The following CEP63 variants were observed in gnomAD, a reference collection of about 807,000 sequenced individuals.
CEP63 encodes centrosomal protein 63, also known as centrosomal protein of 63 kDa.
CEP63 carries 84 observed loss-of-function variants against 89.1 expected under a neutral mutation model. That is an observed-to-expected ratio of 0.94 (90% CI 0.79 to 1.13). The LOEUF (loss-of-function observed/expected upper bound fraction) is 1.13, where lower values mean the gene tolerates loss of function less well. CEP63 is among the 50% of genes most tolerant of loss of function. CEP63 has a pLI of 0.00. For synonymous variants in CEP63, 267 were observed against 272.5 expected, an observed-to-expected ratio of 0.98 and a Z score of 0.20; for missense variants, 838 against 813.3, an observed-to-expected ratio of 1.03 and a Z score of -0.37.
the CEP63 span, among the ~76,000 whole-genome samples, chr3:134,739,513 G>A: frequency 6.6e-6 from 1 of 152,082 alleles, no homozygotes; most frequent in Non-Finnish European, 1.5e-5. Flanking sequence ...CAATCTGTGT[G>A]TCCATCAACA....
the CEP63 span, among the ~76,000 whole-genome samples, chr3:134,687,857 G>A: frequency 1.3e-5 from 2 of 152,176 alleles, no homozygotes; most frequent in Non-Finnish European, 1.5e-5. Flanking sequence ...GTGTTGCTTG[G>A]CTCAGGATTC....
chr3:134,584,755 A>G (rs1268629007), intron 10 of CEP63, among the ~76,000 whole-genome samples: 1 of 152,202 alleles, frequency 6.6e-6, no homozygotes, highest in East Asian at 1.9e-4. Context: ...AAGAAATGGT[A>G]CCAGCTCCTC....
chr3:134,710,498 T>A, the CEP63 span, among the ~76,000 whole-genome samples: 1 of 152,154 alleles, frequency 6.6e-6, no homozygotes, highest in Non-Finnish European at 1.5e-5. Flanking sequence ...CAAAAACATG[T>A]TTTTACAGAA....
chr3:134,514,152 G>T (rs1049651204), intron 3 of CEP63, among the ~76,000 whole-genome samples: 2 of 151,944 alleles, frequency 1.3e-5, no homozygotes, highest in African/African-American at 4.8e-5. Flanking sequence ...TTTCGAAAAA[G>T]AATTAAAAAC....
chr3:134,547,253 G>T, intron 8 of CEP63, 82 bp from the exon 9 acceptor site: 1 of 1,346,312 alleles, frequency 7.4e-7, no homozygotes. Flanking sequence ...TACCAAAAAT[G>T]ATGGGGAAAC....
At chr3:134,599,155 G>A in the CEP63 span, among the ~76,000 whole-genome samples, 65 of 152,190 alleles carry the variant, frequency 4.3e-4, no homozygotes, top group Non-Finnish European at 7.3e-4. Flanking sequence ...CAAACTCTCC[G>A]GACTGGAAGG....
At chr3:134,577,431 C>CTTTTTTTTTTTTT (rs10662705), downstream of CEP63, among the ~76,000 whole-genome samples, 3 of 86,326 alleles carry the variant, frequency 3.5e-5, no homozygotes, top group East Asian at 3.9e-4. Context: ...TTCTAATCCA[C>CTTTTTTTTTTTTT]TTTTTTTTTT....
the CEP63 span, among the ~76,000 whole-genome samples, chr3:134,660,512 A>G: frequency 6.6e-6 from 1 of 152,224 alleles, no homozygotes; most frequent in African/African-American, 2.4e-5. Context: ...ACCAAGGTCT[A>G]TCATTATTTG....
At chr3:134,740,833 A>G in the CEP63 span, among the ~76,000 whole-genome samples, 4 of 152,244 alleles carry the variant, frequency 2.6e-5, no homozygotes, top group African/African-American at 9.6e-5. Flanking sequence ...GAAGAGGTTC[A>G]AATGAGTACA....
the CEP63 span, among the ~76,000 whole-genome samples, chr3:134,756,012 G>T: frequency 6.6e-6 from 1 of 152,226 alleles, no homozygotes; most frequent in African/African-American, 2.4e-5. Context: ...CTGCCAGGAA[G>T]CTGGAGCCAG....
the CEP63 span, among the ~76,000 whole-genome samples, chr3:134,740,270 A>T: frequency 2.7e-5 from 1 of 37,464 alleles, no homozygotes; most frequent in Non-Finnish European, 9.1e-5. Flanking sequence ...CTTTTCTTTT[A>T]TTTATTTATT....
chr3:134,497,116 G>T (rs1426022389), intron 2 of CEP63, among the ~76,000 whole-genome samples: 1 of 152,060 alleles, frequency 6.6e-6, no homozygotes, highest in Non-Finnish European at 1.5e-5. Context: ...TTTTAATAGG[G>T]TTTTTTGTTT....
chr3:134,610,155 C>G, the CEP63 span: 1 of 1,581,840 alleles, frequency 6.3e-7, no homozygotes, highest in Admixed American at 1.7e-5. Context: ...CCTCCACTTC[C>G]ACCTGCCAGA....
chr3:134,576,402 T>G (rs1408033211), downstream of CEP63, among the ~76,000 whole-genome samples: 1 of 152,224 alleles, frequency 6.6e-6, no homozygotes, highest in Non-Finnish European at 1.5e-5. Flanking sequence ...AAGACACAGA[T>G]GCCAGCTCCC....
chr3:134,760,475 C>T, the CEP63 span, among the ~76,000 whole-genome samples: 1 of 152,204 alleles, frequency 6.6e-6, no homozygotes, highest in Non-Finnish European at 1.5e-5. Flanking sequence ...GAAAAGTCAG[C>T]ACTATCATCC....
chr3:134,643,229 C>A, the CEP63 span: 1 of 1,307,384 alleles, frequency 7.6e-7, no homozygotes, highest in South Asian at 1.2e-5. Context: ...ATAGTCTGAG[C>A]TCCACATCCT....
the CEP63 span, among the ~76,000 whole-genome samples, chr3:134,710,685 C>T: frequency 6.6e-6 from 1 of 151,482 alleles, no homozygotes; most frequent in Non-Finnish European, 1.5e-5. Flanking sequence ...CTTTGTCTTC[C>T]AGTTTTAGAT....
At chr3:134,713,476 G>A in the CEP63 span, among the ~76,000 whole-genome samples, 1 of 152,234 alleles carries the variant, frequency 6.6e-6, no homozygotes, top group East Asian at 1.9e-4. Context: ...GTGACCCCGA[G>A]GGGAGCTGGT....
chr3:134,712,954 G>T, the CEP63 span, among the ~76,000 whole-genome samples: 3 of 152,170 alleles, frequency 2.0e-5, no homozygotes, highest in African/African-American at 7.2e-5. Context: ...ACTGTTCCAG[G>T]CCAGAGCATG....
Sources: allele counts gnomAD v4.1 joint callset (sites outside exome capture counted in the v4.1 genomes callset), GRCh38; gene constraint gnomAD v4.1.1; transcripts MANE v1.5; gene names NCBI Gene and HGNC (gene_info 2026-07-23, HGNC 2026-07-21).